RSRC1: variants seen among roughly 807,000 people sequenced by gnomAD.
RSRC1 encodes serine/Arginine-related protein 53.
RSRC1 carries 39 observed loss-of-function variants against 49.1 expected under a neutral mutation model. The ratio of observed to expected loss-of-function variants is 0.79; its 90% confidence interval spans 0.61 to 1.04. RSRC1 has a LOEUF of 1.04. Among genes scored for constraint, RSRC1 ranks in the 50% least tolerant of loss-of-function variants. RSRC1 has a pLI of 0.00. For synonymous variants in RSRC1, 143 were observed against 130.8 expected (o/e 1.09, Z -0.63); for missense variants, 388 against 402.4 (o/e 0.96, Z 0.31).
chr3:158,199,748 C>G (rs1340425632), intron 3 of RSRC1, among the ~76,000 whole-genome samples: 2 of 151,894 alleles, frequency 1.3e-5, no homozygotes, highest in Non-Finnish European at 1.5e-5. Flanking sequence ...TTTAAATTTC[C>G]TTTGTGCTTT....
At chr3:158,338,638 T>C (rs1172579606) in intron 5 of RSRC1, among the ~76,000 whole-genome samples, 1 of 152,232 alleles carries the variant, frequency 6.6e-6, no homozygotes, top group East Asian at 1.9e-4. Flanking sequence ...AGGCCATTAA[T>C]GGTAGCATCC....
chr3:158,252,638 T>A (rs1275865836), intron 4 of RSRC1, among the ~76,000 whole-genome samples: 1 of 152,218 alleles, frequency 6.6e-6, no homozygotes, highest in African/African-American at 2.4e-5. Context: ...TTTCTCTAGT[T>A]TTTGGAAAAA....
At chr3:158,461,425 T>G (rs1402478395) in intron 7 of RSRC1, among the ~76,000 whole-genome samples, 3 of 151,858 alleles carry the variant, frequency 2.0e-5, no homozygotes, top group African/African-American at 7.2e-5. Context: ...ATGTCATAAA[T>G]AGTCATATGA....
At chr3:158,357,474 A>G (rs559310899) in intron 6 of RSRC1, among the ~76,000 whole-genome samples, 190 of 152,254 alleles carry the variant, frequency 1.2e-3, no homozygotes, top group African/African-American at 4.4e-3. Flanking sequence ...GTATAATATG[A>G]TATAACATAT....
chr3:158,505,002 G>A (rs925815098), intron 7 of RSRC1, among the ~76,000 whole-genome samples: 1 of 152,116 alleles, frequency 6.6e-6, no homozygotes, highest in Non-Finnish European at 1.5e-5. Flanking sequence ...GTTAGTTCTT[G>A]TGTATTACTA....
At chr3:158,234,070 G>C (rs1723108845) in intron 4 of RSRC1, among the ~76,000 whole-genome samples, 1 of 152,172 alleles carries the variant, frequency 6.6e-6, no homozygotes, top group East Asian at 1.9e-4. Context: ...GGCCATGACT[G>C]TGATGTGACA....
At chr3:158,367,088 A>G (rs1731809300) in intron 6 of RSRC1, among the ~76,000 whole-genome samples, 1 of 152,162 alleles carries the variant, frequency 6.6e-6, no homozygotes, top group Non-Finnish European at 1.5e-5. Flanking sequence ...GTCATCTGCA[A>G]ACAGCAACAA....
chr3:158,205,020 A>G (rs1192986479), intron 4 of RSRC1, among the ~76,000 whole-genome samples: 4 of 152,208 alleles, frequency 2.6e-5, no homozygotes, highest in Middle Eastern at 3.2e-3. Flanking sequence ...TCTCACTCAT[A>G]GTTGATTGTG....
rs79143572 is a variant in RSRC1, at chr3:158,233,268, C to T, written c.494+30023C>T. On this transcript the variant is annotated intron_variant, in intron 4 of 9. Coordinates refer to ENST00000611884, the MANE Select transcript of RSRC1 (RefSeq NM_001271838.2). ...TGTTTTTATATCAGTGGGCCAAAGC[C>T]GTCTATATTTTCCTGAAATTATTAT... Among the ~76,000 whole-genome samples the T allele has an allele frequency of 2.1e-3, 319 of 152,122 alleles. 5 individuals are homozygous for T. In the East Asian group the frequency reaches 0.051, roughly 25 times the overall value.
At chr3:158,469,484 C>T (rs1738032371) in intron 7 of RSRC1, 1 of 325,858 alleles carries the variant, frequency 3.1e-6, no homozygotes, top group African/African-American at 2.2e-5. Context: ...TATACTTCAC[C>T]ATAGTCTTTG....
intron 4 of RSRC1, among the ~76,000 whole-genome samples, chr3:158,235,054 T>TG (rs1723165846): frequency 6.6e-6 from 1 of 152,056 alleles, no homozygotes; most frequent in African/African-American, 2.4e-5. Flanking sequence ...ATGGTGATGT[T>TG]GGGGGAATTA....
intron 6 of RSRC1, among the ~76,000 whole-genome samples, chr3:158,365,616 A>G (rs1447728990): frequency 6.6e-6 from 1 of 152,190 alleles, no homozygotes; most frequent in Non-Finnish European, 1.5e-5. Flanking sequence ...ATACATGTGC[A>G]TGTGTCTTTA....
Position 158,417,597 on chromosome 3 carries a change from GA to G in RSRC1, c.584-43336del, listed in dbSNP as rs1164240368. 3.3e-5 allele frequency among the ~76,000 whole-genome samples: 5 copies of G among 152,034 alleles called. No individual in the cohort carries two copies. The East Asian group carries it at 9.7e-4, about 30-fold the overall frequency. On this transcript the variant is annotated intron_variant, in intron 6 of 9. Coordinates refer to ENST00000611884, the MANE Select transcript of RSRC1 (RefSeq NM_001271838.2). ...CATTTGCAAATTTTATAGTGCATCT[GA>G]ATGATTGGGTAGAGGAACTTAAATT...
rs1442956587 is a variant in RSRC1, at chr3:158,405,098, A to G, written c.583+50190A>G. Among the ~76,000 whole-genome samples the G allele has an allele frequency of 2.0e-5, 3 of 152,024 alleles. No homozygotes were observed. In the East Asian group the frequency reaches 5.8e-4, roughly 29 times the overall value. On this transcript the variant is annotated intron_variant, in intron 6 of 9. Coordinates refer to ENST00000611884, the MANE Select transcript of RSRC1 (RefSeq NM_001271838.2). ...AAAATCAAGCTAGCAGATTTTTTGCATGAAAAATTAATTGCTGTATATACC... is the reference window on the plus strand; with the variant it reads ...AAAATCAAGCTAGCAGATTTTTTGCGTGAAAAATTAATTGCTGTATATACC...
intron 7 of RSRC1, among the ~76,000 whole-genome samples, chr3:158,487,949 GAAAAA>G (rs58689210): frequency 0.013 from 369 of 28,916 alleles, 2 homozygotes; most frequent in African/African-American, 0.044. Context: ...TCCATCTCAA[GAAAAA>G]AAAAAAAAAA....
At chr3:158,304,880 A>C (rs1374127234) in intron 5 of RSRC1, among the ~76,000 whole-genome samples, 1 of 152,172 alleles carries the variant, frequency 6.6e-6, no homozygotes, top group Non-Finnish European at 1.5e-5. Flanking sequence ...CACACAGTGC[A>C]TCCTATGAAT....
intron 5 of RSRC1, among the ~76,000 whole-genome samples, chr3:158,321,883 T>G (rs1220352522): frequency 2.0e-5 from 3 of 152,096 alleles, no homozygotes; most frequent in Non-Finnish European, 4.4e-5. Context: ...ATATCACATT[T>G]ATATATATTA....
intron 7 of RSRC1, among the ~76,000 whole-genome samples, chr3:158,524,859 T>G (rs529940187): frequency 6.6e-6 from 1 of 152,120 alleles, no homozygotes; most frequent in East Asian, 1.9e-4. Flanking sequence ...AAAGAAACAT[T>G]GACCCTTACC....
At chr3:158,239,942 A>T (rs561866151) in intron 4 of RSRC1, among the ~76,000 whole-genome samples, 38 of 152,276 alleles carry the variant, frequency 2.5e-4, no homozygotes, top group Middle Eastern at 6.8e-3. Context: ...AAAAAGCTTG[A>T]ATTAGCTTTT....
Sources: allele counts gnomAD v4.1 joint callset (sites outside exome capture counted in the v4.1 genomes callset), GRCh38; gene constraint gnomAD v4.1.1; transcripts MANE v1.5; gene names NCBI Gene and HGNC (gene_info 2026-07-23, HGNC 2026-07-21).